The following SAMD4A variants were observed in gnomAD, a reference collection of about 807,000 sequenced individuals.
SAMD4A encodes sterile alpha motif domain containing 4A.
Under a neutral mutation model 81.3 loss-of-function variants are expected in SAMD4A, and 33 were observed. The ratio of observed to expected loss-of-function variants is 0.41; its 90% CI spans 0.31 to 0.54. SAMD4A has a LOEUF of 0.54. Ranked by LOEUF, SAMD4A falls within the 20% of genes least tolerant of loss-of-function variation. SAMD4A has a pLI of 0.37. For synonymous variants in SAMD4A, 389 were observed against 382.1 expected, an observed-to-expected ratio of 1.02 and a Z score of -0.21; for missense variants, 854 against 951.1, an observed-to-expected ratio of 0.90 and a Z score of 1.34.
chr14:54,593,407 T>G (rs1208304559), intron 2 of SAMD4A, among the ~76,000 whole-genome samples: 3 of 152,234 alleles, frequency 2.0e-5, no homozygotes, highest in Admixed American at 6.5e-5. Context: ...CATCAACTAT[T>G]TCTTGTGTTA....
intron 2 of SAMD4A, among the ~76,000 whole-genome samples, chr14:54,671,674 G>C (rs2035882972): frequency 6.6e-6 from 1 of 152,232 alleles, no homozygotes; most frequent in Non-Finnish European, 1.5e-5. Context: ...CAGTCTTCCA[G>C]AATTCTGTAG....
At chr14:54,682,864 G>A (rs2036161761) in intron 2 of SAMD4A, among the ~76,000 whole-genome samples, 1 of 152,198 alleles carries the variant, frequency 6.6e-6, no homozygotes, top group Non-Finnish European at 1.5e-5. Context: ...CTGAAAGAAA[G>A]GAAATGAATG....
chr14:54,767,680 C>T (rs1052052312), intron 8 of SAMD4A, among the ~76,000 whole-genome samples: 27 of 152,244 alleles, frequency 1.8e-4, no homozygotes, highest in Non-Finnish European at 3.7e-4. Context: ...TTCCCTTCCC[C>T]TCCAGGCCCC....
intron 3 of SAMD4A, chr14:54,735,219 T>G (rs2037662059): frequency 6.6e-6 from 1 of 151,846 alleles, no homozygotes; most frequent in South Asian, 2.1e-4. Context: ...CGTTTTTTTT[T>G]TTTTCTTTCT....
At chr14:54,749,744 A>G (rs1255321761) in intron 5 of SAMD4A, among the ~76,000 whole-genome samples, 2 of 152,190 alleles carry the variant, frequency 1.3e-5, no homozygotes, top group Non-Finnish European at 2.9e-5. Context: ...TTAAAATGCT[A>G]TTTGCATGTT....
chr14:54,588,889 A>AATG (rs1033103628), intron 2 of SAMD4A, among the ~76,000 whole-genome samples: 1 of 152,124 alleles, frequency 6.6e-6, no homozygotes, highest in African/African-American at 2.4e-5. Flanking sequence ...TTTAAGAGCA[A>AATG]ATGATGTTTC....
At chr14:54,672,613 A>G (rs1399176069) in intron 2 of SAMD4A, among the ~76,000 whole-genome samples, 1 of 152,230 alleles carries the variant, frequency 6.6e-6, no homozygotes, top group African/African-American at 2.4e-5. Context: ...CATAAAGGTT[A>G]TCATGAATTT....
At chr14:54,679,476 G>T (rs1411260500) in intron 2 of SAMD4A, among the ~76,000 whole-genome samples, 1 of 152,212 alleles carries the variant, frequency 6.6e-6, no homozygotes, top group African/African-American at 2.4e-5. Context: ...CTTTCCAGAT[G>T]ATGCGGGATG....
In SAMD4A at chr14:54,626,063, C is replaced by T. The variant is rs1158357886; in HGVS notation, c.196+57951C>T. Among the ~76,000 whole-genome samples, 422 of 93,080 alleles carry T rather than the reference C, an allele frequency of 4.5e-3. 1 individual carries two copies. The highest frequency in any genetic ancestry group is 0.02 in the African/African-American group (390 of 19,400). 61.1% of individuals were successfully genotyped at this position (93,080 alleles called of 152,430 possible). A position where few individuals can be genotyped will look rare whatever the true frequency, so the allele number is the denominator to read the frequency against. On this transcript the variant is annotated intron_variant, in intron 2 of 12. Coordinates refer to ENST00000554335, the MANE Select transcript of SAMD4A (RefSeq NM_015589.6). ...GTGTGTGTGTGTGTGTGTGTGTGCG[C>T]GCGCGCGCGCGCGAGTGCGCACATG...
At chr14:54,653,312 ATTATTATTATT>A (rs1201043499) in intron 2 of SAMD4A, among the ~76,000 whole-genome samples, 2 of 116,206 alleles carry the variant, frequency 1.7e-5, no homozygotes, top group African/African-American at 6.7e-5. Flanking sequence ...TATTATTATT[ATTATTATTATT>A]ATTATTATTA....
chr14:54,700,716 T>C (rs753513828), intron 2 of SAMD4A, among the ~76,000 whole-genome samples: 1 of 152,204 alleles, frequency 6.6e-6, no homozygotes, highest in Non-Finnish European at 1.5e-5. Flanking sequence ...GCCCAGAGCC[T>C]GTGAATAACT....
At chr14:54,569,707 C>T (rs1001475296) in intron 2 of SAMD4A, among the ~76,000 whole-genome samples, 6 of 152,156 alleles carry the variant, frequency 3.9e-5, no homozygotes, top group Admixed American at 6.5e-5. Flanking sequence ...GTTTGACAAA[C>T]AAGGTTATAT....
intron 6 of SAMD4A, among the ~76,000 whole-genome samples, chr14:54,757,383 TTG>T (rs3051653): frequency 0.17 from 23,915 of 139,886 alleles, 1,888 homozygotes; most frequent in Admixed American, 0.22. Flanking sequence ...GTTTCTTTAT[TTG>T]TGTGTGTGTG....
chr14:54,597,135 T>C (rs2033930782), intron 2 of SAMD4A, among the ~76,000 whole-genome samples: 1 of 152,066 alleles, frequency 6.6e-6, no homozygotes, highest in East Asian at 1.9e-4. Context: ...ATGGAAGATT[T>C]GGCAGCACCA....
In SAMD4A at chr14:54,763,015, T is replaced by C. The variant is rs554482703; in HGVS notation, c.1511-1440T>C. ...GACTACAGGCGCCCGCCACCACGCC[T>C]GGCTAATTTTTTGTATTTTTTAGTA... On this transcript the variant is annotated intron_variant, in intron 7 of 12. Transcript: ENST00000554335. Among the ~76,000 whole-genome samples, 260 of 151,810 alleles carry C rather than the reference T, an allele frequency of 1.7e-3. 2 individuals carry two copies. Among genetic ancestry groups the C allele is most frequent in the African/African-American group, 6.1e-3 (254 of 41,436 alleles).
intron 2 of SAMD4A, among the ~76,000 whole-genome samples, chr14:54,625,950 T>C (rs979975508): frequency 2.6e-5 from 4 of 152,112 alleles, no homozygotes; most frequent in Non-Finnish European, 5.9e-5. Flanking sequence ...AGTCTGTGTT[T>C]AGCTCCTGAC....
Position 54,702,487 on chromosome 14 carries a change from A to G in SAMD4A, c.622A>G (p.Lys208Glu). The G allele has an allele frequency of 3.1e-6, 5 of 1,614,202 alleles. No homozygotes were observed. The highest frequency in any genetic ancestry group is 4.2e-6 in the Non-Finnish European group (5 of 1,180,008). The change falls in exon 3 of 13, where the codon AAA (lysine) becomes GAA (glutamate). Residue 208 changes from lysine (K) to glutamate (E), a missense_variant. Around this residue, in one of 3 missense-constraint regions of SAMD4A, gnomAD observed 387 missense variants for 405.8 expected, o/e 0.95. Transcript: ENST00000554335. ...CATCAATGCCTCCAACTGGCAGGAC[A>G]AAAGCATGGGGTGTGAGAATGGCCA... ...ICINASNWQD[K>E]SMGCENGHVP...
intron 6 of SAMD4A, 24 bp from the exon 7 acceptor site, chr14:54,760,137 G>C: frequency 6.2e-7 from 1 of 1,603,982 alleles, no homozygotes; most frequent in Non-Finnish European, 8.5e-7. Context: ...GCCTAACAGA[G>C]GTCTTCCTGC....
At chr14:54,624,942 G>A (rs2034709981) in intron 2 of SAMD4A, among the ~76,000 whole-genome samples, 2 of 152,290 alleles carry the variant, frequency 1.3e-5, no homozygotes, top group Middle Eastern at 3.4e-3. Context: ...ACTAATAGAA[G>A]TCTTTGAAAT....
Sources: gnomAD v4.1 joint callset for allele counts (sites outside exome capture counted in the v4.1 genomes callset) on GRCh38, gnomAD v4.1.1 for gene constraint, gnomAD v4.1.1 regional missense constraint, MANE v1.5 for transcripts, NCBI Gene and HGNC (gene_info 2026-07-23, HGNC 2026-07-21) for gene names.